Variants in CDC42SE2 observed in about 807,000 individuals in gnomAD.
CDC42SE2 encodes the protein CDC42 small effector protein 2.
Under a neutral mutation model 11.5 loss-of-function variants are expected in CDC42SE2, and 3 were observed. The observed-to-expected ratio is 0.26, with a 90% confidence interval of 0.12 to 0.67. CDC42SE2 has a LOEUF of 0.67. Ranked by LOEUF, CDC42SE2 falls within the 30% of genes least tolerant of loss-of-function variation. The probability of loss-of-function intolerance (pLI) is 0.80; values close to 1 mark genes in which losing one functional copy is unlikely to be tolerated. For missense variants in CDC42SE2, 82 were observed against 106.8 expected, an observed-to-expected ratio of 0.77 and a Z score of 1.02; for synonymous variants, 33 against 34.8, an observed-to-expected ratio of 0.95 and a Z score of 0.18.
intron 3 of CDC42SE2, among the ~76,000 whole-genome samples, chr5:131,364,628 C>T (rs1322092739): frequency 6.6e-6 from 1 of 152,220 alleles, no homozygotes; most frequent in Non-Finnish European, 1.5e-5. Context: ...AGAGCACTGA[C>T]AAACCATACT....
At chr5:131,266,069 AG>A (rs769130631) in intron 1 of CDC42SE2, among the ~76,000 whole-genome samples, 7 of 152,224 alleles carry the variant, frequency 4.6e-5, no homozygotes, top group Non-Finnish European at 8.8e-5. Context: ...TAAAAAGGGA[AG>A]GATTATTAGT....
chr5:131,384,710 T>G (rs1426562471), intron 3 of CDC42SE2, among the ~76,000 whole-genome samples: 2 of 151,938 alleles, frequency 1.3e-5, no homozygotes, highest in Non-Finnish European at 2.9e-5. Flanking sequence ...AGCATATTGG[T>G]CAGAACAGGG....
chr5:131,381,618 C>T (rs940553888), intron 3 of CDC42SE2, among the ~76,000 whole-genome samples: 43 of 152,340 alleles, frequency 2.8e-4, no homozygotes, highest in African/African-American at 9.6e-4. Flanking sequence ...CCACCACATC[C>T]GGCCCAAATG....
At chr5:131,374,898 A>G (rs932441787) in intron 3 of CDC42SE2, among the ~76,000 whole-genome samples, 2 of 152,136 alleles carry the variant, frequency 1.3e-5, no homozygotes, top group African/African-American at 4.8e-5. Flanking sequence ...TGTACATTGT[A>G]TACATACAGT....
intron 1 of CDC42SE2, among the ~76,000 whole-genome samples, chr5:131,248,428 T>C (rs533751134): frequency 6.6e-6 from 1 of 152,316 alleles, no homozygotes; most frequent in South Asian, 2.1e-4. Context: ...TGAGCCACCA[T>C]GCCCGGCAGA....
At chr5:131,264,613 C>T (rs1164804451) in intron 1 of CDC42SE2, among the ~76,000 whole-genome samples, 1 of 152,158 alleles carries the variant, frequency 6.6e-6, no homozygotes, top group Non-Finnish European at 1.5e-5. Flanking sequence ...GGCTCCGGAG[C>T]TCCGACTCTT....
chr5:131,333,680 C>T (rs896273591), intron 2 of CDC42SE2, among the ~76,000 whole-genome samples: 34 of 152,240 alleles, frequency 2.2e-4, no homozygotes, highest in Admixed American at 4.6e-4. Context: ...AGAGGTCCTT[C>T]ACATCCCTTG....
intron 2 of CDC42SE2, among the ~76,000 whole-genome samples, chr5:131,358,396 G>A (rs151060044): frequency 1.9e-3 from 293 of 152,178 alleles, no homozygotes; most frequent in Admixed American, 5.6e-3. Flanking sequence ...CTCTTTTGCC[G>A]CTGCTTGTCA....
chr5:131,299,363 A>G (rs1303729038), intron 1 of CDC42SE2, among the ~76,000 whole-genome samples: 2 of 152,190 alleles, frequency 1.3e-5, no homozygotes, highest in African/African-American at 4.8e-5. Flanking sequence ...GGTGGTGCCT[A>G]GAACTCTACT....
At chr5:131,349,199 A>T (rs1758936167) in intron 2 of CDC42SE2, among the ~76,000 whole-genome samples, 1 of 152,134 alleles carries the variant, frequency 6.6e-6, no homozygotes, top group Non-Finnish European at 1.5e-5. Context: ...TTGTAGCGAC[A>T]TGGATGAAGC....
At chr5:131,240,811 G>A (rs777828144), upstream of CDC42SE2, among the ~76,000 whole-genome samples, 1 of 152,158 alleles carries the variant, frequency 6.6e-6, no homozygotes, top group Non-Finnish European at 1.5e-5. Flanking sequence ...ACACTCTTTT[G>A]TCAGAAAATG....
At chr5:131,379,798 G>T (rs562947922) in intron 3 of CDC42SE2, among the ~76,000 whole-genome samples, 2 of 152,170 alleles carry the variant, frequency 1.3e-5, no homozygotes, top group African/African-American at 2.4e-5. Flanking sequence ...TTGTTTCCAG[G>T]AAACACGGTG....
chr5:131,346,329 C>CA (rs546540526), intron 2 of CDC42SE2, among the ~76,000 whole-genome samples: 5 of 150,714 alleles, frequency 3.3e-5, no homozygotes, highest in African/African-American at 7.3e-5. Context: ...AAATGGAAAA[C>CA]AAAAAAAAGG....
chr5:131,355,543 G>A (rs1198468080), intron 2 of CDC42SE2, among the ~76,000 whole-genome samples: 1 of 152,144 alleles, frequency 6.6e-6, no homozygotes, highest in Admixed American at 6.6e-5. Flanking sequence ...GGAGGGAACA[G>A]AGTGATAGAG....
intron 1 of CDC42SE2, among the ~76,000 whole-genome samples, chr5:131,312,716 G>C (rs564642578): frequency 1.3e-5 from 2 of 152,174 alleles, no homozygotes; most frequent in Admixed American, 1.3e-4. Context: ...GGTGCCGTCC[G>C]TCACCCCTTT....
chr5:131,330,535 T>A (rs141436665), intron 2 of CDC42SE2, among the ~76,000 whole-genome samples: 1 of 152,304 alleles, frequency 6.6e-6, no homozygotes, highest in Non-Finnish European at 1.5e-5. Context: ...TTTATAATAA[T>A]ATTTTTCCCC....
At chr5:131,273,630 A>G (rs1757039772) in intron 1 of CDC42SE2, among the ~76,000 whole-genome samples, 5 of 151,332 alleles carry the variant, frequency 3.3e-5, no homozygotes. Flanking sequence ...AAAATTAGCC[A>G]GGCGTGGCGG....
intron 1 of CDC42SE2, among the ~76,000 whole-genome samples, chr5:131,314,929 G>A (rs746335556): frequency 6.6e-6 from 1 of 152,132 alleles, no homozygotes; most frequent in Non-Finnish European, 1.5e-5. Flanking sequence ...CAAAGTAATT[G>A]ATTATGAAGG....
At chr5:131,319,208 G>A (rs184461450) in intron 2 of CDC42SE2, among the ~76,000 whole-genome samples, 46 of 152,136 alleles carry the variant, frequency 3.0e-4, no homozygotes, top group African/African-American at 9.9e-4. Flanking sequence ...GAGAAAGGTC[G>A]ATATGACTTT....
Sources: allele counts gnomAD v4.1 joint callset (sites outside exome capture counted in the v4.1 genomes callset), GRCh38; gene constraint gnomAD v4.1.1; transcripts MANE v1.5; gene names NCBI Gene and HGNC (gene_info 2026-07-23, HGNC 2026-07-21).